PIEZO1: variants seen among roughly 807,000 people sequenced by gnomAD.
PIEZO1 encodes the protein piezo-type mechanosensitive ion channel component 1.
A neutral mutation model predicts 297.2 loss-of-function variants in PIEZO1; 296 were observed. The observed-to-expected ratio is 1.00, with a 90% confidence interval of 0.91 to 1.10. The LOEUF is 1.10. Among genes scored for constraint, PIEZO1 ranks in the 50% least tolerant of loss-of-function variants. The pLI is 0.00. For synonymous variants in PIEZO1, 2,427 were observed against 1,507.5 expected, an observed-to-expected ratio of 1.61 and a Z score of -14.13; for missense variants, 5,018 against 3,455.5, an observed-to-expected ratio of 1.45 and a Z score of -11.34.
At chr16:88,779,141 C>T (rs1043519561) in intron 1 of PIEZO1, among the ~76,000 whole-genome samples, 2 of 151,526 alleles carry the variant, frequency 1.3e-5, no homozygotes, top group Non-Finnish European at 2.9e-5. Context: ...TCCTGGGTTC[C>T]GGCGATTCTC....
At chr16:88,720,804 G>A in intron 39 of PIEZO1, 56 bp from the exon 40 acceptor site, 2 of 1,443,852 alleles carry the variant, frequency 1.4e-6, no homozygotes, top group Non-Finnish European at 1.8e-6. Flanking sequence ...CCTGGCTCAT[G>A]GCTCCTGACC....
chr16:88,746,680 A>G (rs736203), intron 2 of PIEZO1, among the ~76,000 whole-genome samples: 82,705 of 152,112 alleles, frequency 0.54, 23,090 homozygotes, highest in Non-Finnish European at 0.62. Flanking sequence ...ACTGGGCAGC[A>G]TCTCCGTCTC....
intron 1 of PIEZO1, among the ~76,000 whole-genome samples, chr16:88,756,683 G>C (rs1350593287): frequency 1.3e-5 from 2 of 152,098 alleles, no homozygotes; most frequent in African/African-American, 4.8e-5. Flanking sequence ...CAAGAGAATC[G>C]CTTGAACCTG....
intron 1 of PIEZO1, among the ~76,000 whole-genome samples, chr16:88,765,105 G>A (rs948305369): frequency 2.0e-5 from 3 of 152,230 alleles, no homozygotes; most frequent in African/African-American, 7.2e-5. Context: ...TTTACCCAGC[G>A]GCACCCAGCC....
At chr16:88,755,634 T>C (rs974359360) in intron 1 of PIEZO1, among the ~76,000 whole-genome samples, 1 of 152,248 alleles carries the variant, frequency 6.6e-6, no homozygotes, top group African/African-American at 2.4e-5. Context: ...CCTCCTTTTA[T>C]TTCCCGGCTC....
chr16:88,720,228 T>C lies in PIEZO1; in HGVS notation c.6005A>G (p.Glu2002Gly). 6.4e-7 allele frequency: 1 copy of C among 1,550,466 alleles called. No individual in the cohort carries two copies. Among genetic ancestry groups the C allele is most frequent in the Non-Finnish European group, 8.7e-7 (1 of 1,146,950 alleles). ...GATCAGCAGCATGACCAGGAAAGCC[T>C]CGGGTACCTGGTCGTCTGATAGGGA... The part of the protein sequence containing the change: ...TSSLSDDQVP[E>G]AFLVMLLIQF... Residue 2002 changes from glutamate (E) to glycine (G), a missense_variant, in exon 42 of 51, where the codon GAG becomes GGG. Coordinates refer to ENST00000301015, the MANE Select transcript of PIEZO1 (RefSeq NM_001142864.4).
In PIEZO1 at chr16:88,738,057, G is replaced by A; in HGVS notation, c.897C>T (p.Pro299=). The A allele has an allele frequency of 6.5e-7, 1 of 1,535,836 alleles. No homozygotes were observed. The highest frequency in any genetic ancestry group is 8.7e-7 in the Non-Finnish European group (1 of 1,146,822). Residue 299 remains proline, a synonymous_variant, in exon 8 of 51, where the codon CCC becomes CCT. Transcript: ENST00000301015. ...GGCCGGTGTTGAGGACCAGCGCGTG[G>A]GGGCTGGAGCAGTTGGTGGGACCCA... ...DFVGPTNCSS[P]HALVLNTGLD...
intron 44 of PIEZO1, 32 bp downstream of exon 44, chr16:88,719,542 C>T (rs982080162): frequency 6.5e-7 from 1 of 1,543,098 alleles, no homozygotes; most frequent in African/African-American, 1.4e-5. Flanking sequence ...ATCCCTGGCC[C>T]TTGTCCCGGC....
At chr16:88,734,236 C>T (rs1905061030) in intron 16 of PIEZO1, 120 bp downstream of exon 16, 7 of 1,207,948 alleles carry the variant, frequency 5.8e-6, no homozygotes, top group Admixed American at 2.8e-5. Context: ...TTGGTATGAG[C>T]AAATGCCCCT....
At position 88,716,735 on chromosome 16, in the gene PIEZO1, GGTA is replaced by G; in HGVS notation, c.6754-7_6754-5del. ...GGCTGATGAACTGCATGGCCAGCTG[GGTA>G]CAAGTGACACCCTCAGTGACTGCAG... On this transcript the variant is annotated splice_polypyrimidine_tract_variant and splice_region_variant and intron_variant, in intron 46 of 50. Coordinates refer to ENST00000301015, the MANE Select transcript of PIEZO1 (RefSeq NM_001142864.4). 6.5e-7 allele frequency: 1 copy of G among 1,548,064 alleles called. No individual in the cohort carries two copies. The highest frequency in any genetic ancestry group is 1.4e-5 in the African/African-American group (1 of 73,182).
At position 88,732,603 on chromosome 16, in the gene PIEZO1, T is replaced by G; in HGVS notation, c.2790+4A>C. ...CCCAGCCGCCCACCAGCCCTTCAAC[T>G]CACCTGGATGTAGCCCAGGTTGGGG... On this transcript the variant is annotated splice_donor_region_variant and intron_variant, in intron 20 of 50. Coordinates refer to ENST00000301015, the MANE Select transcript of PIEZO1 (RefSeq NM_001142864.4). 1 of 1,547,530 alleles carries G rather than the reference T, an allele frequency of 6.5e-7. No homozygotes were observed. Among genetic ancestry groups the G allele is most frequent in the Non-Finnish European group, 8.7e-7 (1 of 1,144,962 alleles).
chr16:88,762,152 G>A (rs1906960993), intron 1 of PIEZO1, among the ~76,000 whole-genome samples: 1 of 152,196 alleles, frequency 6.6e-6, no homozygotes, highest in African/African-American at 2.4e-5. Flanking sequence ...TGTGCCCTGG[G>A]AAGGGAGCTG....
chr16:88,721,169 T>A lies in PIEZO1; in HGVS notation c.5665A>T (p.Ile1889Phe), dbSNP rs752058203. 1.0e-5 allele frequency: 15 copies of A among 1,501,952 alleles called. No individual in the cohort carries two copies. 93.0% of individuals were successfully genotyped at this position (1,501,952 alleles called of 1,614,324 possible). A position where few individuals can be genotyped will look rare whatever the true frequency, so the allele number is the denominator to read the frequency against. ...EGPARKGAAAIEAEDREEEEG... is the reference protein window; with the variant it reads ...EGPARKGAAAFEAEDREEEEG... The stretch of plus-strand genomic sequence containing the variant: ...TTGTGAGGCAGGGCGCTTATACCGA[T>A]GGCTGCCGCTCCTTTCCGTGCTGGG... The change falls in exon 39 of 51, where the codon ATC becomes TTC. Residue 1889 changes from isoleucine to phenylalanine, a missense_variant. By Grantham distance (21) the Ile-to-Phe change is conservative. Transcript: ENST00000301015.
At chr16:88,733,783 G>T in intron 17 of PIEZO1, 38 bp from the exon 18 acceptor site, 1 of 1,489,016 alleles carries the variant, frequency 6.7e-7, no homozygotes, top group East Asian at 2.5e-5. Context: ...GCACAAACGG[G>T]GATTCCCGGG....
At chr16:88,734,843 TG>T in intron 14 of PIEZO1, 31 bp downstream of exon 14, 1 of 1,550,068 alleles carries the variant, frequency 6.5e-7, no homozygotes, top group Non-Finnish European at 8.7e-7. Flanking sequence ...GGAGGGTCCG[TG>T]CCCCAGCCCC....
chr16:88,715,545 C>A lies in PIEZO1; in HGVS notation c.*60G>T. 3 of 1,495,076 alleles carry A rather than the reference C, an allele frequency of 2.0e-6. No individual in the cohort carries two copies. Among genetic ancestry groups the A allele is most frequent in the Non-Finnish European group, 2.7e-6 (3 of 1,109,186 alleles). 92.6% of individuals were successfully genotyped at this position (1,495,076 alleles called of 1,614,324 possible). ...CTCCCCCGGCCTGAGGAGTGCCGCC[C>A]CTTGTGGCCACGCTGCCCAGCAGGC... On this transcript the variant is annotated 3_prime_UTR_variant, in exon 51 of 51. Coordinates refer to ENST00000301015, the MANE Select transcript of PIEZO1 (RefSeq NM_001142864.4).
At chr16:88,777,784 G>T (rs74035808) in intron 1 of PIEZO1, among the ~76,000 whole-genome samples, 1,592 of 152,212 alleles carry the variant, frequency 0.01, 19 homozygotes, top group African/African-American at 0.036. Context: ...GGTCCAGGAG[G>T]TGAGTGAGAC....
chr16:88,768,134 C>T (rs1302151092), intron 1 of PIEZO1, among the ~76,000 whole-genome samples: 3 of 152,198 alleles, frequency 2.0e-5, no homozygotes, highest in African/African-American at 7.2e-5. Context: ...GCCCAGGGCC[C>T]AGCCAACCTC....
In PIEZO1 at chr16:88,723,166, C is replaced by A. The variant is rs141469687; in HGVS notation, c.4439-15G>T. On this transcript the variant is annotated splice_polypyrimidine_tract_variant and intron_variant, in intron 32 of 50. Coordinates refer to ENST00000301015, the MANE Select transcript of PIEZO1 (RefSeq NM_001142864.4). ...GGGACCACCTCCTGGGCACAGGATG[C>A]TGGTGAGTGACTGGCAGTCCCGCGG... 6.0e-3 allele frequency: 9,343 copies of A among 1,549,440 alleles called. 42 individuals are homozygous for A. The highest frequency in any genetic ancestry group is 7.6e-3 in the Non-Finnish European group (8,661 of 1,146,826).
Sources: allele counts gnomAD v4.1 joint callset (sites outside exome capture counted in the v4.1 genomes callset), GRCh38; gene constraint gnomAD v4.1.1; transcripts MANE v1.5; gene names NCBI Gene and HGNC (gene_info 2026-07-23, HGNC 2026-07-21).